FHAD1: variants seen among roughly 807,000 people sequenced by gnomAD.
FHAD1 encodes the protein forkhead-associated domain-containing protein 1.
Under a neutral mutation model 191.3 loss-of-function variants are expected in FHAD1, and 146 were observed. The ratio of observed to expected loss-of-function variants is 0.76; its 90% CI spans 0.67 to 0.88. FHAD1 has a LOEUF of 0.88. Ranked by LOEUF, FHAD1 falls within the 40% of genes least tolerant of loss-of-function variation. The pLI, the probability that FHAD1 is intolerant of heterozygous loss-of-function variation, is 0.00. For missense variants in FHAD1, 1,635 were observed against 1,785.8 expected (o/e 0.92, Z 1.52); for synonymous variants, 616 against 672.3 (o/e 0.92, Z 1.29).
downstream of FHAD1, among the ~76,000 whole-genome samples, chr1:15,400,578 C>T (rs963906249): frequency 3.9e-5 from 6 of 152,136 alleles, no homozygotes; most frequent in African/African-American, 7.2e-5. Context: ...GTTGTCACAA[C>T]GAAGGAAGGG....
rs538666435 is a variant in FHAD1, at chr1:15,390,390, G to T, written c.4270-820G>T. ...AAAGGCACTTTAAGAGAATACTCCA[G>T]ATTTCTGGCTTCTTTGGGAAACTTG... On this transcript the variant is annotated intron_variant, in intron 32 of 33. Coordinates refer to ENST00000688493, the MANE Select transcript of FHAD1 (RefSeq NM_001391957.1). 1.8e-4 allele frequency among the ~76,000 whole-genome samples: 26 copies of T among 147,166 alleles called. No homozygotes were observed. The East Asian group carries it at 4.6e-3, about 26-fold the overall frequency.
chr1:15,340,793 A>G (rs1332524180), intron 15 of FHAD1, among the ~76,000 whole-genome samples: 6 of 152,156 alleles, frequency 3.9e-5, no homozygotes, highest in Admixed American at 2.6e-4. Context: ...TTTGCAGACC[A>G]TATTCATACC....
chr1:15,326,943 C>T (rs569836813), intron 11 of FHAD1, 116 bp from the exon 12 acceptor site: 179 of 639,786 alleles, frequency 2.8e-4, no homozygotes, highest in Admixed American at 3.2e-4. Flanking sequence ...GCGGAATGGT[C>T]ATTCAGGCGT....
Position 15,339,530 on chromosome 1 carries a change from G to A in FHAD1, c.1956G>A (p.Met652Ile). 1 of 1,287,878 alleles carries A rather than the reference G, an allele frequency of 7.8e-7. No homozygotes were observed. 79.8% of individuals were successfully genotyped at this position (1,287,878 alleles called of 1,614,324 possible). The change falls in exon 15 of 34, where the codon ATG becomes ATA. Residue 652 changes from methionine to isoleucine, a missense_variant. Met to Ile is a conservative substitution (Grantham distance 10). Coordinates refer to ENST00000688493, the MANE Select transcript of FHAD1 (RefSeq NM_001391957.1). Reference sequence around the variant, plus strand: ...TTCTGGAACATTATAAAAAACTTATGAGCCAGGCCCAGGAACTTCAGGTAA... The same window carrying A: ...TTCTGGAACATTATAAAAAACTTATAAGCCAGGCCCAGGAACTTCAGGTAA... ...IYLLEHYKKL[M>I]SQAQELQIKF...
At position 15,240,975 on chromosome 1, in the gene FHAD1, A is replaced by G. The variant is rs886537090; in HGVS notation, c.-15+4214A>G. ...CTATCTCAAAAAAAAAAAAAAAAAA[A>G]AGAAAGAAAGAAAGAAAGCAGATGC... On this transcript the variant is annotated intron_variant, in intron 1 of 33. Transcript: ENST00000683790. 1.4e-4 allele frequency among the ~76,000 whole-genome samples: 21 copies of G among 148,044 alleles called. No individual in the cohort carries two copies. The East Asian group carries it at 4.3e-3, about 31-fold the overall frequency.
intron 2 of FHAD1, among the ~76,000 whole-genome samples, chr1:15,253,572 T>A (rs543635606): frequency 1.3e-5 from 2 of 152,330 alleles, no homozygotes; most frequent in South Asian, 2.1e-4. Context: ...TCTCCTTTTT[T>A]GTTTGTGATG....
intron 7 of FHAD1, among the ~76,000 whole-genome samples, chr1:15,309,025 C>T (rs2312535): frequency 0.31 from 47,116 of 152,114 alleles, 8,213 homozygotes; most frequent in South Asian, 0.48. Context: ...ATGGACCTCA[C>T]CAGGGAACAC....
At chr1:15,353,720 A>AG (rs1691698857) in intron 20 of FHAD1, among the ~76,000 whole-genome samples, 5 of 148,566 alleles carry the variant, frequency 3.4e-5, no homozygotes, top group Admixed American at 2.7e-4. Context: ...AAAAAAAAAA[A>AG]AAAAAAGAAA....
intron 3 of FHAD1, among the ~76,000 whole-genome samples, chr1:15,278,491 T>TTTTTTTTTTTTTTTG (rs1659323347): frequency 6.6e-6 from 1 of 150,644 alleles, no homozygotes; most frequent in African/African-American, 2.5e-5. Context: ...TTTTTTTTTT[T>TTTTTTTTTTTTTTTG]GAGACGGAGT....
intron 13 of FHAD1, chr1:15,328,680 G>T (rs1040386612): frequency 2.9e-6 from 1 of 347,248 alleles, no homozygotes; most frequent in Non-Finnish European, 5.2e-6. Context: ...TGAGCGGCCC[G>T]CATCCCCAGC....
chr1:15,296,964 G>A (rs368149707), intron 5 of FHAD1, among the ~76,000 whole-genome samples, 171 bp downstream of exon 5: 2 of 152,164 alleles, frequency 1.3e-5, no homozygotes, highest in East Asian at 3.8e-4. Context: ...TACGACCTCC[G>A]CAACCACTGT....
intron 11 of FHAD1, chr1:15,326,364 G>C (rs1678591433): frequency 6.6e-6 from 1 of 152,200 alleles, no homozygotes; most frequent in South Asian, 2.1e-4. Flanking sequence ...TTGTCATTCT[G>C]TAAGTCCGGA....
chr1:15,313,966 A>G (rs1673110843), intron 8 of FHAD1, among the ~76,000 whole-genome samples: 1 of 152,030 alleles, frequency 6.6e-6, no homozygotes, highest in Non-Finnish European at 1.5e-5. Flanking sequence ...AGGCTGAGGC[A>G]GGAGAATAGC....
chr1:15,336,595 C>G (rs1684210600), intron 14 of FHAD1, among the ~76,000 whole-genome samples: 1 of 152,194 alleles, frequency 6.6e-6, no homozygotes, highest in African/African-American at 2.4e-5. Context: ...AGGGGCACTT[C>G]AAGATGGCTG....
intron 2 of FHAD1, among the ~76,000 whole-genome samples, chr1:15,264,389 G>A (rs1279884987): frequency 6.6e-6 from 1 of 151,930 alleles, no homozygotes; most frequent in Non-Finnish European, 1.5e-5. Context: ...TCTTCTTTTT[G>A]ATGCTATTGT....
At chr1:15,252,726 A>G (rs1646935933) in intron 2 of FHAD1, among the ~76,000 whole-genome samples, 1 of 152,222 alleles carries the variant, frequency 6.6e-6, no homozygotes, top group Admixed American at 6.5e-5. Flanking sequence ...TGGGCCCCTC[A>G]GAGGCCAGGG....
rs148028367 is a variant in FHAD1, at chr1:15,290,992, A to G, written c.568+1326A>G. On this transcript the variant is annotated intron_variant, in intron 4 of 33. Transcript: ENST00000688493. ...GCCTCCCAAAGTGCTGGGATTACAG[A>G]CATGAGCCACTGCGCCCAGCCTTAA... is the stretch of plus-strand genomic sequence containing the variant. Among the ~76,000 whole-genome samples the G allele has an allele frequency of 5.9e-3, 894 of 151,380 alleles. 3 individuals are homozygous for G. Among genetic ancestry groups the G allele is most frequent in the African/African-American group, 0.02 (837 of 41,242 alleles).
At chr1:15,251,245 G>A (rs1160356462) in intron 1 of FHAD1, among the ~76,000 whole-genome samples, 1 of 150,388 alleles carries the variant, frequency 6.6e-6, no homozygotes, top group Non-Finnish European at 1.5e-5. Flanking sequence ...CTGCCCTGCA[G>A]CCTGGATGAC....
chr1:15,329,207 A>G lies in FHAD1; in HGVS notation c.1711-139A>G, dbSNP rs1240138874. ...ACATAAAAATTTTAAAAAAGAAAAA[A>G]ACTGAGTCCTCCCAAGGCGGCCAAT... On this transcript the variant is annotated intron_variant, in intron 13 of 33. Coordinates refer to ENST00000688493, the MANE Select transcript of FHAD1 (RefSeq NM_001391957.1). The surrounding 1 kb of genome is among the most constrained non-coding windows in gnomAD (Gnocchi z 5.0). 1 of 623,320 alleles carries G rather than the reference A, an allele frequency of 1.6e-6. No individual in the cohort carries two copies. The highest frequency in any genetic ancestry group is 2.6e-6 in the Non-Finnish European group (1 of 380,956). The allele number at this position is 623,320 out of a possible 1,614,324, so 38.6% of individuals were successfully genotyped here.
Sources: gnomAD v4.1 joint callset for allele counts (sites outside exome capture counted in the v4.1 genomes callset) on GRCh38, gnomAD v4.1.1 for gene constraint, Gnocchi (gnomAD v3.1) non-coding constraint, MANE v1.5 for transcripts, NCBI Gene and HGNC (gene_info 2026-07-23, HGNC 2026-07-21) for gene names.